Variants in AIG1 observed in about 807,000 individuals in gnomAD.
The protein encoded by AIG1 is androgen induced 1.
Under a neutral mutation model 31.4 loss-of-function variants are expected in AIG1, and 23 were observed. That is an observed-to-expected ratio of 0.73 (90% confidence interval 0.53 to 1.04). AIG1 has a LOEUF of 1.04. Among genes scored for constraint, AIG1 ranks in the 50% least tolerant of loss-of-function variants. The pLI is 0.00. For synonymous variants in AIG1, 100 were observed against 110.5 expected (o/e 0.90, Z 0.60); for missense variants, 274 against 295.0 (o/e 0.93, Z 0.52).
At position 143,328,845 on chromosome 6, in the gene AIG1, T is replaced by C. The variant is rs1776830091; in HGVS notation, c.516-4437T>C. On this transcript the variant is annotated intron_variant, in intron 4 of 5. Coordinates refer to ENST00000357847, the MANE Select transcript of AIG1 (RefSeq NM_016108.4). This position sits in a 1 kb window ranked among gnomAD's most constrained non-coding sequence, Gnocchi z 4.0. ...GTGCATATATATGTATGCACACATA[T>C]CATGGTTATTGATTTCTTAAGCTAA... is the stretch of plus-strand genomic sequence containing the variant. 6.6e-6 allele frequency among the ~76,000 whole-genome samples: 1 copy of C among 152,192 alleles called. No homozygotes were observed. Among genetic ancestry groups the C allele is most frequent in the African/African-American group, 2.4e-5 (1 of 41,470 alleles).
At chr6:143,113,230 C>T (rs778338750) in intron 1 of AIG1, among the ~76,000 whole-genome samples, 7 of 151,548 alleles carry the variant, frequency 4.6e-5, no homozygotes, top group Non-Finnish European at 8.8e-5. Flanking sequence ...AGAAAAAAGG[C>T]GTTTGCCTTT....
rs1795399241 is a variant in AIG1 at position 143,256,719 on chromosome 6, C to T, written c.400-27391C>T. 6.6e-6 allele frequency among the ~76,000 whole-genome samples: 1 copy of T among 152,192 alleles called. No homozygotes were observed. The highest frequency in any genetic ancestry group is 2.4e-5 in the African/African-American group (1 of 41,440). On this transcript the variant is annotated intron_variant, in intron 3 of 5. Transcript: ENST00000357847. This position sits in a 1 kb window ranked among gnomAD's most constrained non-coding sequence, Gnocchi z 4.6. ...TATATATGATTCCCCACTTCATTGG[C>T]AGTTTGTAGCAAATTCTTATTTTCT...
chr6:143,311,327 AC>A (rs1325376056), intron 4 of AIG1, among the ~76,000 whole-genome samples: 1 of 151,920 alleles, frequency 6.6e-6, no homozygotes, highest in Non-Finnish European at 1.5e-5. Context: ...ACTCCCGAAT[AC>A]CCTGACTTGA....
At position 143,196,734 on chromosome 6, in the gene AIG1, T is replaced by A. The variant is rs534045798; in HGVS notation, c.399+31551T>A. Among the ~76,000 whole-genome samples, 9 of 152,228 alleles carry A rather than the reference T, an allele frequency of 5.9e-5. No individual in the cohort carries two copies. In the South Asian group the frequency reaches 1.7e-3, roughly 28 times the overall value. Reference sequence around the variant, plus strand: ...GGATTGCTGTGAGTTGGTATTATAATGTGCTAAGCACACCCCTGACGTCTT... The same window carrying A: ...GGATTGCTGTGAGTTGGTATTATAAAGTGCTAAGCACACCCCTGACGTCTT... On this transcript the variant is annotated intron_variant, in intron 3 of 5. Coordinates refer to ENST00000357847, the MANE Select transcript of AIG1 (RefSeq NM_016108.4).
chr6:143,154,321 A>T (rs994064230), intron 2 of AIG1, among the ~76,000 whole-genome samples: 3 of 152,176 alleles, frequency 2.0e-5, no homozygotes, highest in African/African-American at 7.2e-5. Flanking sequence ...TTAAGACTAA[A>T]CGAAGTCAAG....
At chr6:143,065,037 A>G (rs942222588) in intron 1 of AIG1, among the ~76,000 whole-genome samples, 1 of 152,244 alleles carries the variant, frequency 6.6e-6, no homozygotes, top group South Asian at 2.1e-4. Flanking sequence ...GGGAGATCAT[A>G]AGACTTATTG....
intron 2 of AIG1, among the ~76,000 whole-genome samples, chr6:143,158,946 T>C (rs1786064404): frequency 6.6e-6 from 1 of 152,210 alleles, no homozygotes; most frequent in Non-Finnish European, 1.5e-5. Flanking sequence ...GGCAAACCAA[T>C]TCCTGTTCTC....
intron 2 of AIG1, among the ~76,000 whole-genome samples, chr6:143,148,819 C>T (rs916938664): frequency 1.4e-5 from 2 of 138,178 alleles, no homozygotes; most frequent in African/African-American, 5.3e-5. Context: ...ACTATGTCTC[C>T]AAAAAAAAAA....
At chr6:143,165,979 TC>T (rs1786897949) in intron 3 of AIG1, among the ~76,000 whole-genome samples, 1 of 152,168 alleles carries the variant, frequency 6.6e-6, no homozygotes, top group Non-Finnish European at 1.5e-5. Context: ...TTAGAATATG[TC>T]CCAGGGTGTT....
At chr6:143,277,883 T>C (rs1203477812) in intron 3 of AIG1, among the ~76,000 whole-genome samples, 1 of 152,234 alleles carries the variant, frequency 6.6e-6, no homozygotes, top group African/African-American at 2.4e-5. Flanking sequence ...AATTTTTGTG[T>C]TGTACACTCT....
intron 5 of AIG1, among the ~76,000 whole-genome samples, chr6:143,337,157 C>T (rs1201109868): frequency 1.3e-5 from 2 of 152,214 alleles, no homozygotes; most frequent in African/African-American, 4.8e-5. Context: ...AGTCGCTGAA[C>T]CATCTTTGAA....
intron 1 of AIG1, among the ~76,000 whole-genome samples, chr6:143,112,536 A>G (rs1157337471): frequency 1.3e-5 from 2 of 152,188 alleles, no homozygotes; most frequent in African/African-American, 4.8e-5. Context: ...ATCCCTGCCT[A>G]TGAGGCTCTC....
chr6:143,212,294 T>A (rs1199508816), intron 3 of AIG1, among the ~76,000 whole-genome samples: 1 of 152,106 alleles, frequency 6.6e-6, no homozygotes, highest in African/African-American at 2.4e-5. Context: ...CTCCACCTTC[T>A]CAAAAACCCA....
chr6:143,204,393 CT>C, intron 3 of AIG1, among the ~76,000 whole-genome samples: 1 of 152,140 alleles, frequency 6.6e-6, no homozygotes, highest in South Asian at 2.1e-4. Flanking sequence ...GGTACTCTGA[CT>C]TTTTTTGGCA....
intron 1 of AIG1, among the ~76,000 whole-genome samples, chr6:143,116,076 T>C (rs1781709742): frequency 6.6e-6 from 1 of 152,192 alleles, no homozygotes; most frequent in South Asian, 2.1e-4. Context: ...AGACAGGAAG[T>C]GTTTACCATC....
rs183317992 is a variant in AIG1, at chr6:143,202,428, G to A, written c.399+37245G>A. The stretch of plus-strand genomic sequence containing the variant: ...ACTCATAAAAGATAGCCAGGAGCCA[G>A]GGTTGGTTTTTGATTTGGTTTGGTT... On this transcript the variant is annotated intron_variant, in intron 3 of 5. Transcript: ENST00000357847. Among the ~76,000 whole-genome samples, 27 of 152,278 alleles carry A rather than the reference G, an allele frequency of 1.8e-4. No homozygotes were observed. In the East Asian group the frequency reaches 5.0e-3, roughly 28 times the overall value.
intron 3 of AIG1, among the ~76,000 whole-genome samples, chr6:143,195,960 A>G (rs1790190047): frequency 6.6e-6 from 1 of 152,266 alleles, no homozygotes; most frequent in Admixed American, 6.5e-5. Context: ...TCCCGAAGCA[A>G]GGGCAGATTG....
At position 143,277,276 on chromosome 6, in the gene AIG1, T is replaced by C. The variant is rs555787379; in HGVS notation, c.400-6834T>C. Among the ~76,000 whole-genome samples, 17 of 152,202 alleles carry C rather than the reference T, an allele frequency of 1.1e-4. No homozygotes were observed. The South Asian group carries it at 3.3e-3, about 30-fold the overall frequency. ...AAAATATTCGAGTTACAATCTAGAG[T>C]GCACAATTTTTGTATCTTAGGATAG... On this transcript the variant is annotated intron_variant, in intron 3 of 5. Transcript: ENST00000357847.
chr6:143,287,149 T>C (rs1797737126), intron 4 of AIG1, among the ~76,000 whole-genome samples: 1 of 151,884 alleles, frequency 6.6e-6, no homozygotes, highest in African/African-American at 2.4e-5. Flanking sequence ...CACACATTTC[T>C]CTGCACCCCG....
Sources: gnomAD v4.1 joint callset for allele counts (sites outside exome capture counted in the v4.1 genomes callset) on GRCh38, gnomAD v4.1.1 for gene constraint, Gnocchi (gnomAD v3.1) non-coding constraint, MANE v1.5 for transcripts, NCBI Gene and HGNC (gene_info 2026-07-23, HGNC 2026-07-21) for gene names.